ZNF423: variants seen among roughly 807,000 people sequenced by gnomAD.
ZNF423 encodes the protein Ebf-associated zinc finger protein.
In ZNF423, 12 loss-of-function variants were observed where a neutral mutation model predicts 95.8. The observed-to-expected ratio is 0.13, with a 90% CI of 0.08 to 0.20. The LOEUF is 0.20. Among genes scored for constraint, ZNF423 ranks in the 10% least tolerant of loss-of-function variants. ZNF423 has a pLI of 1.00. For missense variants in ZNF423, 1,316 were observed against 1,737.1 expected (o/e 0.76, Z 4.31); for synonymous variants, 749 against 711.9 (o/e 1.05, Z -0.83).
At chr16:49,666,773 T>C (rs1368433955) in intron 3 of ZNF423, among the ~76,000 whole-genome samples, 1 of 152,208 alleles carries the variant, frequency 6.6e-6, no homozygotes, top group Non-Finnish European at 1.5e-5. Flanking sequence ...TAGTAAGGAC[T>C]CTTATTTCCC....
rs1369743741 is a variant in ZNF423, at chr16:49,490,029, G to A, written c.*1246C>T. ...TGCCCCCTGAAATAATGTACCCCAG[G>A]CCCCTGCCTGCCTCACTCCAGACCT... On this transcript the variant is annotated 3_prime_UTR_variant, in exon 8 of 8. Transcript: ENST00000563137. 2.6e-5 allele frequency: 4 copies of A among 152,238 alleles called. No individual in the cohort carries two copies. Among genetic ancestry groups the A allele is most frequent in the Non-Finnish European group, 5.9e-5 (4 of 68,106 alleles). The allele number at this position is 152,238 out of a possible 1,614,324, so 9.4% of individuals were successfully genotyped here. A position where few individuals can be genotyped will look rare whatever the true frequency, so the allele number is the denominator to read the frequency against.
intron 5 of ZNF423, among the ~76,000 whole-genome samples, chr16:49,590,051 T>TATATATATC: frequency 7.5e-6 from 1 of 134,146 alleles, no homozygotes; most frequent in Admixed American, 7.4e-5. Flanking sequence ...TATATATATA[T>TATATATATC]TTGGTCCATA....
chr16:49,819,937 T>C (rs1396939519), intron 1 of ZNF423, among the ~76,000 whole-genome samples: 4 of 152,186 alleles, frequency 2.6e-5, no homozygotes, highest in Non-Finnish European at 5.9e-5. Flanking sequence ...TGTAGGCTAA[T>C]GTAGGTGTTC....
chr16:49,822,591 A>G (rs2034958049), intron 1 of ZNF423: 1 of 1,231,946 alleles, frequency 8.1e-7, no homozygotes, highest in South Asian at 1.5e-5. Flanking sequence ...TGTCCAAGAG[A>G]ACTAAGCTCT....
intron 5 of ZNF423, among the ~76,000 whole-genome samples, chr16:49,625,678 T>G (rs761988145): frequency 1.3e-5 from 2 of 152,162 alleles, no homozygotes; most frequent in Non-Finnish European, 2.9e-5. Flanking sequence ...TCCATAGAAC[T>G]TTGCAAGCTG....
At chr16:49,678,582 C>T (rs2031221358) in intron 3 of ZNF423, among the ~76,000 whole-genome samples, 2 of 152,208 alleles carry the variant, frequency 1.3e-5, no homozygotes, top group Admixed American at 6.5e-5. Flanking sequence ...TTGATTGCCA[C>T]CTACCATGTG....
chr16:49,500,795 C>T (rs1394480317), intron 7 of ZNF423, among the ~76,000 whole-genome samples: 4 of 151,500 alleles, frequency 2.6e-5, no homozygotes, highest in African/African-American at 9.7e-5. Flanking sequence ...GTAGTCCCAG[C>T]TACTCGGATG....
intron 3 of ZNF423, among the ~76,000 whole-genome samples, chr16:49,704,093 G>A (rs1005417957): frequency 2.0e-5 from 3 of 152,176 alleles, no homozygotes; most frequent in African/African-American, 7.2e-5. Flanking sequence ...GGCAGAAAGG[G>A]ATGACTGAGC....
chr16:49,560,360 G>T (rs1050618784), intron 5 of ZNF423, among the ~76,000 whole-genome samples: 1 of 152,162 alleles, frequency 6.6e-6, no homozygotes, highest in Non-Finnish European at 1.5e-5. Context: ...CAAAAAGGCC[G>T]AAGTTGCTGT....
intron 5 of ZNF423, among the ~76,000 whole-genome samples, chr16:49,573,222 T>C (rs1050498366): frequency 6.6e-6 from 1 of 152,102 alleles, no homozygotes; most frequent in African/African-American, 2.4e-5. Flanking sequence ...CTGATGTATG[T>C]CCTGCAGTAA....
In ZNF423 at chr16:49,603,062, G is replaced by GT. The variant is rs2151833663; in HGVS notation, c.3601+23107dup. ...GAGAAAGGGAGGATGGGAGGAGGAGGTTCCGAAACACTGGTGCGAGAAAAG... is the reference window on the plus strand; with the variant it reads ...GAGAAAGGGAGGATGGGAGGAGGAGGTTTCCGAAACACTGGTGCGAGAAAAG... On this transcript the variant is annotated intron_variant, in intron 5 of 7. Coordinates refer to ENST00000563137, the MANE Select transcript of ZNF423 (RefSeq NM_001379286.1). This position sits in a 1 kb window ranked among gnomAD's most constrained non-coding sequence, Gnocchi z 4.1. Among the ~76,000 whole-genome samples, 1 of 152,256 alleles carries GT rather than the reference G, an allele frequency of 6.6e-6. No homozygotes were observed. Among genetic ancestry groups the GT allele is most frequent in the East Asian group, 1.9e-4 (1 of 5,158 alleles).
chr16:49,799,802 T>A (rs2143890206), intron 1 of ZNF423, among the ~76,000 whole-genome samples: 1 of 152,338 alleles, frequency 6.6e-6, no homozygotes, highest in Non-Finnish European at 1.5e-5. Context: ...GTTTATTTTA[T>A]TTTTTAAGAC....
chr16:49,626,103 AT>A, intron 5 of ZNF423, 66 bp downstream of exon 5: 2 of 1,511,448 alleles, frequency 1.3e-6, no homozygotes, highest in Admixed American at 3.3e-5. Context: ...TAAAATGATG[AT>A]TGGAACCGCA....
At chr16:49,843,804 C>T (rs1228585413) in intron 1 of ZNF423, among the ~76,000 whole-genome samples, 1 of 152,012 alleles carries the variant, frequency 6.6e-6, no homozygotes, top group Non-Finnish European at 1.5e-5. Context: ...GGCCCCACCC[C>T]TCACTCCTAG....
At chr16:49,559,380 G>C (rs577800164) in intron 5 of ZNF423, among the ~76,000 whole-genome samples, 1 of 152,342 alleles carries the variant, frequency 6.6e-6, no homozygotes, top group South Asian at 2.1e-4. Flanking sequence ...TGGAGCATCA[G>C]CATGGGGCCA....
chr16:49,509,240 C>A (rs1030312720), intron 7 of ZNF423, among the ~76,000 whole-genome samples: 4 of 152,176 alleles, frequency 2.6e-5, no homozygotes, highest in African/African-American at 9.7e-5. Context: ...CTGTCCCCTG[C>A]CACTCCCATC....
intron 5 of ZNF423, among the ~76,000 whole-genome samples, chr16:49,600,047 G>C (rs1264176921): frequency 6.6e-6 from 1 of 152,206 alleles, no homozygotes; most frequent in Non-Finnish European, 1.5e-5. Context: ...GAGGCCGGGC[G>C]TGGTGGCTCA....
At chr16:49,744,885 C>T (rs2033490399) in intron 2 of ZNF423, among the ~76,000 whole-genome samples, 1 of 152,168 alleles carries the variant, frequency 6.6e-6, no homozygotes, top group Non-Finnish European at 1.5e-5. Context: ...AAACTGCTGG[C>T]GATGTTCTTT....
intron 3 of ZNF423, among the ~76,000 whole-genome samples, chr16:49,705,047 T>A (rs1472713790): frequency 1.3e-5 from 2 of 152,184 alleles, no homozygotes; most frequent in Admixed American, 6.5e-5. Flanking sequence ...GCCTGCACTT[T>A]TAAAGGTTAA....
Sources: gnomAD v4.1 joint callset for allele counts (sites outside exome capture counted in the v4.1 genomes callset) on GRCh38, gnomAD v4.1.1 for gene constraint, Gnocchi (gnomAD v3.1) non-coding constraint, MANE v1.5 for transcripts, NCBI Gene and HGNC (gene_info 2026-07-23, HGNC 2026-07-21) for gene names.